Variants in STAU2 observed in about 807,000 individuals in gnomAD.
The protein encoded by STAU2 is staufen double-stranded RNA binding protein 2, also known as double-stranded RNA-binding protein Staufen homolog 2.
In STAU2, 20 loss-of-function variants were observed where a neutral mutation model predicts 65.9. That is an observed-to-expected ratio of 0.30 (90% CI 0.21 to 0.44). The LOEUF (loss-of-function observed/expected upper bound fraction) is 0.44. STAU2 is among the 20% of genes least tolerant of loss of function. The probability of loss-of-function intolerance (pLI) is 1.00; values close to 1 mark genes in which losing one functional copy is unlikely to be tolerated. For synonymous variants in STAU2, 232 were observed against 233.9 expected (o/e 0.99, Z 0.07); for missense variants, 558 against 683.9 (o/e 0.82, Z 2.05).
At chr8:73,614,032 T>C in intron 8 of STAU2, 76 bp from the exon 9 acceptor site, 2 of 1,185,752 alleles carry the variant, frequency 1.7e-6, no homozygotes, top group Non-Finnish European at 2.3e-6. Flanking sequence ...TTAATATTCA[T>C]ATCAAAACCA....
intron 12 of STAU2, among the ~76,000 whole-genome samples, chr8:73,560,955 A>T: frequency 6.6e-6 from 1 of 152,274 alleles, no homozygotes; most frequent in South Asian, 2.1e-4. Context: ...AATAACAAAG[A>T]ATATAAACCT....
chr8:73,489,346 A>C (rs1401662056), intron 13 of STAU2, among the ~76,000 whole-genome samples: 1 of 152,010 alleles, frequency 6.6e-6, no homozygotes, highest in Non-Finnish European at 1.5e-5. Flanking sequence ...TTTAAATTCC[A>C]TTAAAAAAAC....
At chr8:73,454,144 C>T (rs1399034516) in intron 13 of STAU2, among the ~76,000 whole-genome samples, 4 of 152,158 alleles carry the variant, frequency 2.6e-5, no homozygotes, top group African/African-American at 9.7e-5. Context: ...CTCAATAGAG[C>T]AAGCTGTAAA....
chr8:73,699,218 A>G (rs76039193), intron 4 of STAU2, among the ~76,000 whole-genome samples: 18,401 of 152,058 alleles, frequency 0.12, 1,479 homozygotes, highest in Non-Finnish European at 0.18. Context: ...CTACATCAAA[A>G]AAGTGGAAAA....
chr8:73,501,971 G>A (rs1393128333), intron 13 of STAU2, among the ~76,000 whole-genome samples: 1 of 151,946 alleles, frequency 6.6e-6, no homozygotes, highest in Non-Finnish European at 1.5e-5. Flanking sequence ...GTAGGAGTGT[G>A]TGTGCAGAAC....
intron 13 of STAU2, among the ~76,000 whole-genome samples, chr8:73,492,468 G>C (rs1177613273): frequency 6.6e-6 from 1 of 151,768 alleles, no homozygotes; most frequent in East Asian, 1.9e-4. Flanking sequence ...CAATTGACAA[G>C]ATGCTTCCTA....
chr8:73,717,023 C>G (rs930512012), intron 3 of STAU2, among the ~76,000 whole-genome samples: 1 of 152,018 alleles, frequency 6.6e-6, no homozygotes, highest in Non-Finnish European at 1.5e-5. Context: ...ATCACTTGAG[C>G]CCAAGAGGTG....
At chr8:73,521,452 GTA>G (rs1232462141) in intron 13 of STAU2, among the ~76,000 whole-genome samples, 1 of 152,156 alleles carries the variant, frequency 6.6e-6, no homozygotes, top group East Asian at 1.9e-4. Flanking sequence ...TAGCACATAT[GTA>G]TATGTATGTA....
intron 13 of STAU2, among the ~76,000 whole-genome samples, chr8:73,526,432 G>A (rs1476530037): frequency 1.3e-5 from 2 of 152,176 alleles, no homozygotes; most frequent in Admixed American, 6.5e-5. Context: ...CCTTAAGAAT[G>A]TTTTCCAAAG....
At chr8:73,730,519 G>A (rs1586369125) in intron 3 of STAU2, among the ~76,000 whole-genome samples, 1 of 152,188 alleles carries the variant, frequency 6.6e-6, no homozygotes, top group Admixed American at 6.5e-5. Flanking sequence ...CTGAGGTCAG[G>A]AGTCTGAGAC....
At chr8:73,592,751 C>T (rs1353267086) in intron 11 of STAU2, among the ~76,000 whole-genome samples, 6 of 152,030 alleles carry the variant, frequency 3.9e-5, no homozygotes, top group African/African-American at 1.2e-4. Context: ...ACCAGCTACT[C>T]GGGAGGCTGA....
intron 12 of STAU2, among the ~76,000 whole-genome samples, chr8:73,577,151 G>A (rs553514525): frequency 1.4e-4 from 21 of 152,028 alleles, no homozygotes; most frequent in Non-Finnish European, 2.9e-4. Context: ...ATTTATGGCC[G>A]GGTACACTGG....
At chr8:73,700,017 A>C (rs959097256) in intron 4 of STAU2, among the ~76,000 whole-genome samples, 2 of 152,152 alleles carry the variant, frequency 1.3e-5, no homozygotes, top group Admixed American at 1.3e-4. Flanking sequence ...AGGATGGCTC[A>C]ACACACACAA....
At chr8:73,608,710 C>T (rs987223812) in intron 9 of STAU2, among the ~76,000 whole-genome samples, 3 of 150,832 alleles carry the variant, frequency 2.0e-5, no homozygotes, top group Non-Finnish European at 4.4e-5. Context: ...AGAAGTTAAA[C>T]GTCGGGCGCA....
At chr8:73,730,404 T>C (rs933025082) in intron 3 of STAU2, among the ~76,000 whole-genome samples, 2 of 152,156 alleles carry the variant, frequency 1.3e-5, no homozygotes, top group Admixed American at 1.3e-4. Flanking sequence ...TAATACAGCC[T>C]GGAGAATGTT....
At chr8:73,532,094 G>A (rs186151114) in intron 13 of STAU2, among the ~76,000 whole-genome samples, 3 of 152,182 alleles carry the variant, frequency 2.0e-5, no homozygotes, top group East Asian at 1.9e-4. Context: ...TTGGATATGC[G>A]CAGTCATTTT....
chr8:73,520,321 T>C (rs1007677069), intron 13 of STAU2, among the ~76,000 whole-genome samples: 2 of 152,220 alleles, frequency 1.3e-5, no homozygotes, highest in African/African-American at 4.8e-5. Context: ...AGATTTCAAG[T>C]ATGAAAGAAT....
intron 13 of STAU2, chr8:73,549,828 G>A: frequency 1.0e-6 from 1 of 984,718 alleles, no homozygotes; most frequent in Non-Finnish European, 1.2e-6. Context: ...AGAAATAAAA[G>A]TAACAGAATA....
chr8:73,608,939 T>C (rs752279086), intron 9 of STAU2, among the ~76,000 whole-genome samples: 31 of 152,012 alleles, frequency 2.0e-4, no homozygotes, highest in Non-Finnish European at 4.1e-4. Context: ...GACAGTGCCA[T>C]TGCACTCCAG....
Sources: gnomAD v4.1 joint callset for allele counts (sites outside exome capture counted in the v4.1 genomes callset) on GRCh38, gnomAD v4.1.1 for gene constraint, MANE v1.5 for transcripts, NCBI Gene and HGNC (gene_info 2026-07-23, HGNC 2026-07-21) for gene names.